The following ROBO1 variants were observed in gnomAD, a reference collection of about 807,000 sequenced individuals.
The protein encoded by ROBO1 is roundabout homolog 1.
A neutral mutation model predicts 195.9 loss-of-function variants in ROBO1; 149 were observed. The observed-to-expected ratio is 0.76, with a 90% confidence interval of 0.67 to 0.87. ROBO1 has a LOEUF of 0.87. Among genes scored for constraint, ROBO1 ranks in the 40% least tolerant of loss-of-function variants. ROBO1 has a pLI of 0.00. For missense variants in ROBO1, 1,933 were observed against 2,068.3 expected, an observed-to-expected ratio of 0.93 and a Z score of 1.27; for synonymous variants, 816 against 733.2, an observed-to-expected ratio of 1.11 and a Z score of -1.82.
chr3:78,607,140 C>A (rs566295932), intron 28 of ROBO1, 99 bp from the exon 29 acceptor site: 40 of 1,165,936 alleles, frequency 3.4e-5, no homozygotes, highest in Non-Finnish European at 4.7e-5. Context: ...CTACGAGATA[C>A]TATATCTTAG....
At chr3:79,698,417 T>C (rs889101624) in intron 1 of ROBO1, among the ~76,000 whole-genome samples, 1 of 151,504 alleles carries the variant, frequency 6.6e-6, no homozygotes, top group Non-Finnish European at 1.5e-5. Flanking sequence ...GGTAAATGGA[T>C]AGATGAAGTA....
chr3:79,197,193 C>T (rs550567127), intron 2 of ROBO1, among the ~76,000 whole-genome samples: 1 of 151,982 alleles, frequency 6.6e-6, no homozygotes, highest in South Asian at 2.1e-4. Flanking sequence ...TCTCCCAGCA[C>T]CCCACCCCTG....
At chr3:79,513,207 C>T (rs1940793786) in intron 2 of ROBO1, among the ~76,000 whole-genome samples, 4 of 152,024 alleles carry the variant, frequency 2.6e-5, no homozygotes, top group Admixed American at 2.6e-4. Context: ...GTGGAACTTT[C>T]AGTCTCGTAT....
intron 1 of ROBO1, among the ~76,000 whole-genome samples, chr3:79,732,865 C>T (rs771734101): frequency 3.3e-5 from 5 of 151,974 alleles, no homozygotes; most frequent in Admixed American, 2.0e-4. Flanking sequence ...GATTAGCTTA[C>T]ATTTTCATGT....
intron 5 of ROBO1, among the ~76,000 whole-genome samples, chr3:78,720,281 G>C (rs369763109): frequency 7.2e-5 from 11 of 152,164 alleles, no homozygotes; most frequent in African/African-American, 1.9e-4. Context: ...GTGGAAACAA[G>C]GTGAAGACTT....
intron 4 of ROBO1, among the ~76,000 whole-genome samples, chr3:78,898,119 CAT>C (rs1182035433): frequency 9.4e-5 from 14 of 149,494 alleles, no homozygotes; most frequent in African/African-American, 2.7e-4. Flanking sequence ...TAATTTAAAA[CAT>C]ATATTTTAAG....
intron 2 of ROBO1, among the ~76,000 whole-genome samples, chr3:79,256,070 C>T (rs375548487): frequency 1.2e-4 from 19 of 152,192 alleles, no homozygotes; most frequent in South Asian, 4.1e-4. Flanking sequence ...TTCTCACACA[C>T]AATTTTCATT....
At chr3:79,407,505 T>G (rs1263197049) in intron 2 of ROBO1, among the ~76,000 whole-genome samples, 3 of 152,212 alleles carry the variant, frequency 2.0e-5, no homozygotes, top group Admixed American at 2.0e-4. Flanking sequence ...GCTTCCTTAG[T>G]AAAATTGTCT....
In ROBO1 at chr3:79,558,142, T is replaced by A. The variant is rs566564746; in HGVS notation, c.88+31682A>T. The stretch of plus-strand genomic sequence containing the variant: ...AGTTTGAACTGGGCAGGTCCACTCA[T>A]TTGCAGATTTTTGTTTAATAAAATT... On this transcript the variant is annotated intron_variant, in intron 2 of 30. Transcript: ENST00000464233. Among the ~76,000 whole-genome samples the A allele has an allele frequency of 3.0e-4, 46 of 152,264 alleles. 1 individual carries two copies. The East Asian group carries it at 8.5e-3, about 28-fold the overall frequency.
At chr3:79,315,313 A>G (rs147256893) in intron 2 of ROBO1, among the ~76,000 whole-genome samples, 39 of 152,302 alleles carry the variant, frequency 2.6e-4, no homozygotes, top group African/African-American at 8.7e-4. Flanking sequence ...TTTTCATTAA[A>G]CTAGATATTC....
intron 2 of ROBO1, among the ~76,000 whole-genome samples, chr3:79,173,971 C>A (rs2081217847): frequency 6.6e-6 from 1 of 152,108 alleles, no homozygotes; most frequent in African/African-American, 2.4e-5. Context: ...CTTGGAGAAC[C>A]TTTGTGTCTG....
At chr3:78,962,198 G>C (rs2041386095) in intron 3 of ROBO1, among the ~76,000 whole-genome samples, 1 of 152,134 alleles carries the variant, frequency 6.6e-6, no homozygotes, top group African/African-American at 2.4e-5. Flanking sequence ...TTCCATAAAA[G>C]ACACTAAAGA....
chr3:79,496,998 T>C (rs970155377), intron 2 of ROBO1, among the ~76,000 whole-genome samples: 1 of 152,224 alleles, frequency 6.6e-6, no homozygotes, highest in Non-Finnish European at 1.5e-5. Context: ...CATTATGCTC[T>C]CTCTAACATC....
At chr3:79,601,500 G>T (rs1944338661) in intron 1 of ROBO1, among the ~76,000 whole-genome samples, 1 of 151,936 alleles carries the variant, frequency 6.6e-6, no homozygotes. Flanking sequence ...TATTTCACAA[G>T]TCTGTTTCCA....
chr3:79,323,732 AT>A (rs1238818960), intron 2 of ROBO1, among the ~76,000 whole-genome samples: 1 of 152,110 alleles, frequency 6.6e-6, no homozygotes, highest in Non-Finnish European at 1.5e-5. Context: ...CTTTATCACT[AT>A]TTTTAGAATT....
At chr3:78,647,511 T>A in intron 20 of ROBO1, 118 bp downstream of exon 20, 1 of 962,584 alleles carries the variant, frequency 1.0e-6, no homozygotes, top group Non-Finnish European at 1.7e-6. Flanking sequence ...AGTATTACAT[T>A]CCACTTTAAG....
chr3:78,825,419 GTCTT>G (rs1411741234), intron 4 of ROBO1, among the ~76,000 whole-genome samples: 3 of 152,144 alleles, frequency 2.0e-5, no homozygotes, highest in African/African-American at 7.2e-5. Flanking sequence ...ACCTTAACCA[GTCTT>G]TCTAAGGAGA....
intron 3 of ROBO1, among the ~76,000 whole-genome samples, chr3:79,054,721 C>T (rs1436917905): frequency 2.6e-5 from 4 of 152,170 alleles, no homozygotes; most frequent in African/African-American, 7.2e-5. Flanking sequence ...TGTTTGCCCA[C>T]GTTGTTGCAA....
intron 2 of ROBO1, among the ~76,000 whole-genome samples, chr3:79,315,645 A>C (rs1413733887): frequency 6.6e-6 from 1 of 152,192 alleles, no homozygotes; most frequent in Non-Finnish European, 1.5e-5. Flanking sequence ...ATGAGAAAGT[A>C]CAGGGAGAGC....
Sources: gnomAD v4.1 joint callset for allele counts (sites outside exome capture counted in the v4.1 genomes callset) on GRCh38, gnomAD v4.1.1 for gene constraint, MANE v1.5 for transcripts, NCBI Gene and HGNC (gene_info 2026-07-23, HGNC 2026-07-21) for gene names.